Variants in TLN2 observed in about 807,000 individuals in gnomAD.
The protein encoded by TLN2 is talin 2, also known as talin-2.
In TLN2, 118 loss-of-function variants were observed where a neutral mutation model predicts 294.7. The observed-to-expected ratio is 0.40, with a 90% CI of 0.34 to 0.47. The LOEUF is 0.47. TLN2 is among the 20% of genes least tolerant of loss of function. The probability of loss-of-function intolerance (pLI) is 0.84; values close to 1 mark genes in which losing one functional copy is unlikely to be tolerated. For synonymous variants in TLN2, 1,431 were observed against 1,304.5 expected (o/e 1.10, Z -2.09); for missense variants, 3,083 against 3,282.2 (o/e 0.94, Z 1.48).
intron 1 of TLN2, among the ~76,000 whole-genome samples, chr15:62,470,852 G>A (rs1184920900): frequency 6.6e-6 from 1 of 152,208 alleles, no homozygotes; most frequent in East Asian, 1.9e-4. Flanking sequence ...AGACAAAAAG[G>A]CTATCGAGGC....
chr15:62,778,538 C>G (rs1466859025), intron 43 of TLN2, among the ~76,000 whole-genome samples: 1 of 152,206 alleles, frequency 6.6e-6, no homozygotes, highest in Admixed American at 6.5e-5. Context: ...TTCCATAAAT[C>G]CTAGGAAGAT....
intron 54 of TLN2, among the ~76,000 whole-genome samples, chr15:62,825,776 A>ATAAT (rs1491419500): frequency 1.7e-4 from 5 of 28,682 alleles, no homozygotes; most frequent in Admixed American, 5.7e-4. Flanking sequence ...TATATTATAT[A>ATAAT]ATATATTATA....
At chr15:62,669,085 T>G (rs1840639725) in intron 9 of TLN2, among the ~76,000 whole-genome samples, 1 of 152,246 alleles carries the variant, frequency 6.6e-6, no homozygotes, top group Non-Finnish European at 1.5e-5. Context: ...GTGAAGGAAT[T>G]TAAAGACAAC....
chr15:62,632,167 G>A (rs749293577), intron 3 of TLN2, among the ~76,000 whole-genome samples: 2 of 152,228 alleles, frequency 1.3e-5, no homozygotes, highest in African/African-American at 2.4e-5. Flanking sequence ...AGTAGTTAAC[G>A]GAGTACATAG....
intron 1 of TLN2, among the ~76,000 whole-genome samples, chr15:62,491,938 A>G (rs1595926221): frequency 6.6e-6 from 1 of 152,060 alleles, no homozygotes; most frequent in East Asian, 1.9e-4. Context: ...AAGACAAATA[A>G]TTGGCCTCTG....
chr15:62,672,113 C>T (rs530662203), intron 9 of TLN2, among the ~76,000 whole-genome samples: 4 of 152,006 alleles, frequency 2.6e-5, no homozygotes, highest in Non-Finnish European at 5.9e-5. Context: ...GTCTTATAGC[C>T]GTTGAAATGT....
intron 1 of TLN2, among the ~76,000 whole-genome samples, chr15:62,524,796 T>C (rs17811291): frequency 0.023 from 3,576 of 152,284 alleles, 51 homozygotes; most frequent in Middle Eastern, 0.034. Flanking sequence ...GAAACAGTGG[T>C]AGGATCTGGA....
intron 1 of TLN2, among the ~76,000 whole-genome samples, chr15:62,394,605 GT>G (rs1039914906): frequency 2.0e-5 from 3 of 152,146 alleles, no homozygotes; most frequent in African/African-American, 7.2e-5. Context: ...ATGACCAGAT[GT>G]TTTGCCTAAA....
intron 3 of TLN2, among the ~76,000 whole-genome samples, chr15:62,641,009 C>G (rs2140914031): frequency 6.6e-6 from 1 of 151,710 alleles, no homozygotes; most frequent in East Asian, 2.0e-4. Context: ...ACCATGTTGG[C>G]CAGGCTGGTC....
rs574189875 is a variant in TLN2, at chr15:62,426,994, G to A, written c.-238+36309G>A. 7.9e-5 allele frequency among the ~76,000 whole-genome samples: 12 copies of A among 152,302 alleles called. No individual in the cohort carries two copies. The East Asian group carries it at 1.2e-3, about 15-fold the overall frequency. ...ATTTATAGCTTAAGCAAAAGGTAGA[G>A]AAGCTTTGCTCTGGTAAAGGTGACA... On this transcript the variant is annotated intron_variant, in intron 1 of 58. Coordinates refer to ENST00000636159, the MANE Select transcript of TLN2 (RefSeq NM_015059.3).
chr15:62,456,755 C>T (rs1379563208), intron 1 of TLN2, among the ~76,000 whole-genome samples: 1 of 152,170 alleles, frequency 6.6e-6, no homozygotes, highest in African/African-American at 2.4e-5. Flanking sequence ...CCTGAGACTA[C>T]AAGTACAAAG....
At chr15:62,656,292 CTCCCTATGGCT>C in intron 8 of TLN2, among the ~76,000 whole-genome samples, 1 of 152,306 alleles carries the variant, frequency 6.6e-6, no homozygotes, top group Non-Finnish European at 1.5e-5. Flanking sequence ...GGAGTAGGGC[CTCCCTATGGCT>C]TCCCAGATTG....
chr15:62,647,679 T>A (rs964373254), intron 4 of TLN2, among the ~76,000 whole-genome samples: 1 of 152,188 alleles, frequency 6.6e-6, no homozygotes, highest in Non-Finnish European at 1.5e-5. Context: ...GACCCTCCCA[T>A]GCATGAGGAT....
In TLN2 at chr15:62,739,492, G is replaced by T; in HGVS notation, c.3832G>T (p.Asp1278Tyr). ...ELAAASGKFS[D>Y]DFDEFLDAGI... Reference sequence around the variant, plus strand: ...GGCTGCAGCCTCTGGAAAGTTCAGTGATGATTTTGATGAATTCCTCGATGC... The same window carrying T: ...GGCTGCAGCCTCTGGAAAGTTCAGTTATGATTTTGATGAATTCCTCGATGC... The change falls in exon 31 of 59, where the codon GAT becomes TAT. Residue 1278 changes from aspartate to tyrosine, a missense_variant. By Grantham distance (160) the Asp-to-Tyr change is radical. Coordinates refer to ENST00000636159, the MANE Select transcript of TLN2 (RefSeq NM_015059.3). 1 of 1,614,222 alleles carries T rather than the reference G, an allele frequency of 6.2e-7. No individual in the cohort carries two copies. The highest frequency in any genetic ancestry group is 2.2e-5 in the East Asian group (1 of 44,884).
intron 1 of TLN2, among the ~76,000 whole-genome samples, chr15:62,583,980 A>G (rs746029970): frequency 1.3e-5 from 2 of 152,186 alleles, no homozygotes; most frequent in Non-Finnish European, 2.9e-5. Context: ...CCTCCTAGTA[A>G]GCATATATTT....
At chr15:62,495,558 CAG>C (rs796878304) in intron 1 of TLN2, among the ~76,000 whole-genome samples, 73 of 152,284 alleles carry the variant, frequency 4.8e-4, no homozygotes, top group African/African-American at 1.7e-3. Context: ...CTTTTAATGA[CAG>C]GGGTAGAAAT....
In TLN2 at chr15:62,739,352, C is replaced by G; in HGVS notation, c.3692C>G (p.Pro1231Arg). 1.2e-6 allele frequency: 2 copies of G among 1,612,874 alleles called. No individual in the cohort carries two copies. Among genetic ancestry groups the G allele is most frequent in the Non-Finnish European group, 8.5e-7 (1 of 1,179,420 alleles). The change falls in exon 31 of 59, where the codon CCT becomes CGT. Residue 1231 changes from proline (P) to arginine (R), a missense_variant. Transcript: ENST00000636159. ...SSKKLLVDSL[P>R]PSTKPFQEAQ... ...TGTGCCGTCTGTTCCCCACAGCTACCTCCAAGCACGAAGCCTTTCCAGGAA... is the reference window on the plus strand; with the variant it reads ...TGTGCCGTCTGTTCCCCACAGCTACGTCCAAGCACGAAGCCTTTCCAGGAA...
intron 1 of TLN2, among the ~76,000 whole-genome samples, chr15:62,522,344 A>G (rs1029316639): frequency 2.6e-5 from 4 of 152,008 alleles, no homozygotes. Flanking sequence ...GGGTGGTTTG[A>G]CAAACTGTAC....
At chr15:62,525,471 A>G (rs2040687716) in intron 1 of TLN2, among the ~76,000 whole-genome samples, 1 of 152,190 alleles carries the variant, frequency 6.6e-6, no homozygotes, top group Non-Finnish European at 1.5e-5. Flanking sequence ...GGACAACCAT[A>G]CCCCACCTTC....
Sources: allele counts gnomAD v4.1 joint callset (sites outside exome capture counted in the v4.1 genomes callset), GRCh38; gene constraint gnomAD v4.1.1; transcripts MANE v1.5; gene names NCBI Gene and HGNC (gene_info 2026-07-23, HGNC 2026-07-21).